MCCC1: variants seen among roughly 807,000 people sequenced by gnomAD.
MCCC1 encodes the protein methylcrotonoyl-CoA carboxylase subunit alpha, mitochondrial.
MCCC1 carries 64 observed loss-of-function variants against 83.8 expected under a neutral mutation model. The ratio of observed to expected loss-of-function variants is 0.76; its 90% CI spans 0.62 to 0.94. MCCC1 has a LOEUF of 0.94. MCCC1 is among the 40% of genes least tolerant of loss of function. The pLI, the probability that MCCC1 is intolerant of heterozygous loss-of-function variation, is 0.00. For missense variants in MCCC1, 807 were observed against 904.7 expected, an observed-to-expected ratio of 0.89 and a Z score of 1.39; for synonymous variants, 322 against 315.4, an observed-to-expected ratio of 1.02 and a Z score of -0.22.
intron 2 of MCCC1, among the ~76,000 whole-genome samples, chr3:183,094,293 A>G (rs781141135): frequency 2.0e-5 from 3 of 151,754 alleles, no homozygotes; most frequent in Non-Finnish European, 4.4e-5. Context: ...CAGGTGATCC[A>G]CCCACCTCAG....
At chr3:183,097,747 C>T (rs1686993323) in intron 1 of MCCC1, among the ~76,000 whole-genome samples, 2 of 152,124 alleles carry the variant, frequency 1.3e-5, no homozygotes, top group African/African-American at 4.8e-5. Flanking sequence ...CTAACACTCT[C>T]CAGAGTGACA....
chr3:183,108,450 G>T (rs1412946187), intron 1 of MCCC1, among the ~76,000 whole-genome samples: 2 of 152,022 alleles, frequency 1.3e-5, no homozygotes, highest in South Asian at 2.1e-4. Context: ...TGTCTGCCAG[G>T]TTTCCTCACT....
At chr3:183,104,971 T>G (rs1305162822) in intron 1 of MCCC1, among the ~76,000 whole-genome samples, 1 of 152,250 alleles carries the variant, frequency 6.6e-6, no homozygotes, top group Non-Finnish European at 1.5e-5. Context: ...TACCCAAAGA[T>G]GTTTGAAATG....
chr3:183,029,186 A>T (rs1353641550), intron 14 of MCCC1: 1 of 152,194 alleles, frequency 6.6e-6, no homozygotes, highest in Non-Finnish European at 1.5e-5. Context: ...GAGGAGACGA[A>T]AACCTAAAGT....
intron 3 of MCCC1, among the ~76,000 whole-genome samples, chr3:183,088,363 C>A (rs546789121): frequency 6.6e-6 from 1 of 152,004 alleles, no homozygotes; most frequent in Non-Finnish European, 1.5e-5. Flanking sequence ...CACACAATCA[C>A]GCCCAGCTAA....
Position 183,114,441 on chromosome 3 carries a change from G to A in MCCC1, c.-102+1033C>T, listed in dbSNP as rs143584524. Among the ~76,000 whole-genome samples the A allele has an allele frequency of 8.0e-3, 1,218 of 152,122 alleles. 8 individuals carry two copies. The highest frequency in any genetic ancestry group is 0.011 in the Non-Finnish European group (729 of 67,994). On this transcript the variant is annotated intron_variant, in intron 1 of 17. Coordinates refer to the MCCC1 transcript ENST00000492597. ...AGTGTGGCGTTTTTCTAACTCGCTC[G>A]GGTACAACATGGGATCTGATGCTGT...
chr3:183,017,791 G>A (rs1047433891), intron 17 of MCCC1: 2 of 183,666 alleles, frequency 1.1e-5, no homozygotes, highest in Admixed American at 1.1e-4. Context: ...AAATGTACTG[G>A]TCAAATCAGA....
chr3:183,034,204 A>C (rs1249208937), intron 13 of MCCC1, 127 bp from the exon 14 acceptor site: 6 of 682,554 alleles, frequency 8.8e-6, no homozygotes, highest in Non-Finnish European at 1.6e-5. Context: ...TAATCCCAGC[A>C]CTTTGGGAGG....
intron 1 of MCCC1, 74 bp downstream of exon 1, chr3:183,099,278 C>A: frequency 6.6e-7 from 1 of 1,513,430 alleles, no homozygotes. Flanking sequence ...TCCGCCGCAC[C>A]TCCCACCGCT....
chr3:183,068,909 T>C (rs1279903034), intron 7 of MCCC1, among the ~76,000 whole-genome samples: 2 of 152,226 alleles, frequency 1.3e-5, no homozygotes, highest in African/African-American at 2.4e-5. Flanking sequence ...TAGTTGACTA[T>C]ACTATCTCAG....
At chr3:183,085,947 C>T (rs57802530) in intron 4 of MCCC1, among the ~76,000 whole-genome samples, 4,719 of 152,294 alleles carry the variant, frequency 0.031, 260 homozygotes, top group African/African-American at 0.11. Flanking sequence ...CCTCGGCAGC[C>T]AGGCAGGGCC....
At chr3:183,099,286 G>C in intron 1 of MCCC1, 66 bp downstream of exon 1, 1 of 1,527,418 alleles carries the variant, frequency 6.5e-7, no homozygotes, top group Admixed American at 1.9e-5. Context: ...ACCTCCCACC[G>C]CTCACGCGGG....
intron 14 of MCCC1, 77 bp from the exon 15 acceptor site, chr3:183,025,881 C>A: frequency 7.9e-7 from 1 of 1,263,942 alleles, no homozygotes; most frequent in South Asian, 1.2e-5. Context: ...TAAAGAATCT[C>A]ACTCTCAACC....
upstream of MCCC1, among the ~76,000 whole-genome samples, chr3:183,100,860 C>G (rs1399354040): frequency 6.6e-6 from 1 of 152,238 alleles, no homozygotes; most frequent in Non-Finnish European, 1.5e-5. Context: ...TGGCCAAGGC[C>G]GGAGCCCACT....
intron 14 of MCCC1, 125 bp downstream of exon 14, chr3:183,033,866 A>C (rs1713287094): frequency 1.4e-6 from 1 of 700,092 alleles, no homozygotes; most frequent in Admixed American, 2.3e-5. Context: ...ATTTCCCTCC[A>C]ATGTTTAGCC....
Position 183,045,633 on chromosome 3 carries a change from G to C in MCCC1, c.956-93C>G, listed in dbSNP as rs2108486990. 2.3e-6 allele frequency: 3 copies of C among 1,325,630 alleles called. No individual in the cohort carries two copies. In the East Asian group the frequency reaches 7.1e-5, roughly 31 times the overall value. 82.1% of individuals were successfully genotyped at this position (1,325,630 alleles called of 1,614,324 possible). On this transcript the variant is annotated intron_variant, in intron 9 of 18. Coordinates refer to ENST00000265594, the MANE Select transcript of MCCC1 (RefSeq NM_020166.5). ...ATGCATCACATCAAGTTTTACCGCT[G>C]TCTTCATTCAATGGTAACACTTTGC...
intron 7 of MCCC1, among the ~76,000 whole-genome samples, chr3:183,066,289 T>A (rs575221462): frequency 2.0e-5 from 3 of 152,170 alleles, no homozygotes; most frequent in Non-Finnish European, 4.4e-5. Context: ...TTGATCCTCT[T>A]CAAAAGGAGA....
intron 14 of MCCC1, among the ~76,000 whole-genome samples, chr3:183,031,658 T>G (rs1252966339): frequency 6.6e-6 from 1 of 151,796 alleles, no homozygotes; most frequent in Non-Finnish European, 1.5e-5. Context: ...CCACCATGCC[T>G]GGCTAATTTT....
At chr3:183,054,170 C>T (rs1350827035) in intron 8 of MCCC1, among the ~76,000 whole-genome samples, 9 of 149,540 alleles carry the variant, frequency 6.0e-5, no homozygotes, top group African/African-American at 2.0e-4. Context: ...GTATGAGCCA[C>T]CATACCCAGC....
Sources: gnomAD v4.1 joint callset for allele counts (sites outside exome capture counted in the v4.1 genomes callset) on GRCh38, gnomAD v4.1.1 for gene constraint, MANE v1.5 for transcripts, NCBI Gene and HGNC (gene_info 2026-07-23, HGNC 2026-07-21) for gene names.